The following DISC1 variants were observed in gnomAD, a reference collection of about 807,000 sequenced individuals.
The protein encoded by DISC1 is DISC1 scaffold protein, also known as disrupted in schizophrenia 1 protein.
Under a neutral mutation model 84.5 loss-of-function variants are expected in DISC1, and 57 were observed. The ratio of observed to expected loss-of-function variants is 0.67; its 90% confidence interval spans 0.55 to 0.84. The LOEUF (loss-of-function observed/expected upper bound fraction) is 0.84. Ranked by LOEUF, DISC1 falls within the 40% of genes least tolerant of loss-of-function variation. The probability of loss-of-function intolerance (pLI) is 0.00; values close to 1 mark genes in which losing one functional copy is unlikely to be tolerated. For synonymous variants in DISC1, 411 were observed against 415.2 expected, an observed-to-expected ratio of 0.99 and a Z score of 0.12; for missense variants, 1,000 against 1,057.8, an observed-to-expected ratio of 0.95 and a Z score of 0.76.
At chr1:231,636,877 G>C (rs1278667365) in intron 1 of DISC1, among the ~76,000 whole-genome samples, 1 of 152,138 alleles carries the variant, frequency 6.6e-6, no homozygotes, top group Non-Finnish European at 1.5e-5. Context: ...ATGGTGGTTT[G>C]CTGCACCTAT....
At position 232,031,232 on chromosome 1, in the gene DISC1, AGAAAGAG is replaced by A; in HGVS notation, c.2425+4681_2425+4687del. ...AAGGAAGGAAGGGAGAAAGAGAGAGAGAAAGAGAGGAAGGAAGGAAGGAGAAAGAAAG... is the reference window on the plus strand; with the variant it reads ...AAGGAAGGAAGGGAGAAAGAGAGAGAAGGAAGGAAGGAAGGAGAAAGAAAG... On this transcript the variant is annotated intron_variant, in intron 12 of 12. Transcript: ENST00000439617. This position sits in a 1 kb window ranked among gnomAD's most constrained non-coding sequence, Gnocchi z 4.6. Among the ~76,000 whole-genome samples, 1 of 148,792 alleles carries A rather than the reference AGAAAGAG, an allele frequency of 6.7e-6. No individual in the cohort carries two copies. Among genetic ancestry groups the A allele is most frequent in the Non-Finnish European group, 1.5e-5 (1 of 66,736 alleles).
chr1:231,928,852 T>C (rs2090495014), intron 9 of DISC1, among the ~76,000 whole-genome samples: 1 of 152,218 alleles, frequency 6.6e-6, no homozygotes, highest in Admixed American at 6.5e-5. Context: ...TCAGTTTCCA[T>C]GTAGTTGTGC....
At chr1:231,953,470 C>G (rs9431735) in intron 9 of DISC1, among the ~76,000 whole-genome samples, 12,369 of 152,044 alleles carry the variant, frequency 0.081, 598 homozygotes, top group Middle Eastern at 0.14. Context: ...ATTATGTTAC[C>G]TCTTCATCCT....
chr1:231,892,938 G>A (rs1455504217), intron 9 of DISC1, among the ~76,000 whole-genome samples: 2 of 152,120 alleles, frequency 1.3e-5, no homozygotes, highest in Non-Finnish European at 2.9e-5. Context: ...GACTCAGGTG[G>A]ATCACCTGTG....
chr1:231,872,104 A>G (rs1301993417), intron 9 of DISC1, among the ~76,000 whole-genome samples: 1 of 152,244 alleles, frequency 6.6e-6, no homozygotes, highest in Non-Finnish European at 1.5e-5. Flanking sequence ...GCGTGAAGAC[A>G]GCCTGATGCA....
intron 4 of DISC1, among the ~76,000 whole-genome samples, chr1:231,753,275 C>T (rs1254037511): frequency 6.6e-6 from 1 of 152,258 alleles, no homozygotes; most frequent in Non-Finnish European, 1.5e-5. Flanking sequence ...CAAACTTTTC[C>T]ATACATCCTC....
At chr1:231,885,859 C>G (rs553878118) in intron 9 of DISC1, among the ~76,000 whole-genome samples, 1 of 152,320 alleles carries the variant, frequency 6.6e-6, no homozygotes, top group East Asian at 1.9e-4. Context: ...ATGATTCCCA[C>G]TCAGTTGTCC....
At chr1:231,991,266 G>T (rs1032799656) in intron 10 of DISC1, among the ~76,000 whole-genome samples, 1 of 152,216 alleles carries the variant, frequency 6.6e-6, no homozygotes, top group Non-Finnish European at 1.5e-5. Context: ...TCGGGAAGCC[G>T]TATGTTCTGA....
chr1:231,862,080 G>A (rs1007037300), intron 9 of DISC1, among the ~76,000 whole-genome samples: 10 of 152,204 alleles, frequency 6.6e-5, no homozygotes, highest in East Asian at 1.9e-4. Context: ...CTTTCACCAG[G>A]AGGATGGCTC....
intron 1 of DISC1, among the ~76,000 whole-genome samples, chr1:231,691,337 A>G (rs1481976243): frequency 2.6e-5 from 4 of 152,036 alleles, no homozygotes; most frequent in African/African-American, 9.7e-5. Flanking sequence ...AGGCTGAGGC[A>G]GGAGAATCAC....
intron 10 of DISC1, among the ~76,000 whole-genome samples, chr1:231,984,435 T>G (rs77178791): frequency 1.3e-5 from 2 of 152,250 alleles, no homozygotes; most frequent in East Asian, 3.9e-4. Context: ...AATATTATTA[T>G]GGATTTGAAG....
At chr1:231,930,761 A>G (rs1318654912) in intron 9 of DISC1, among the ~76,000 whole-genome samples, 5 of 152,154 alleles carry the variant, frequency 3.3e-5, no homozygotes, top group East Asian at 3.9e-4. Context: ...ACTCAATGCT[A>G]TCTAGTTCGC....
Position 232,037,073 on chromosome 1 carries a change from C to A in DISC1, c.*242C>A, listed in dbSNP as rs570803931. On this transcript the variant is annotated 3_prime_UTR_variant, in exon 13 of 13. Transcript: ENST00000439617. Reference sequence around the variant, plus strand: ...CCTTCTAAATGTCACTCAAAAATTTCTTTTCCATGTCATTCTTGGGAATGT... The same window carrying A: ...CCTTCTAAATGTCACTCAAAAATTTATTTTCCATGTCATTCTTGGGAATGT... The A allele has an allele frequency of 2.1e-5, 7 of 331,938 alleles. No homozygotes were observed. In the East Asian group the frequency reaches 3.0e-4, roughly 14 times the overall value. 20.6% of individuals were successfully genotyped at this position (331,938 alleles called of 1,614,324 possible).
chr1:231,669,179 T>A (rs796623112), intron 1 of DISC1, among the ~76,000 whole-genome samples: 37 of 152,264 alleles, frequency 2.4e-4, no homozygotes, highest in African/African-American at 8.4e-4. Flanking sequence ...ATTGCAGTGA[T>A]AGGGATGCCT....
chr1:231,740,421 A>T lies in DISC1; in HGVS notation c.1118-9505A>T, dbSNP rs561803462. 1.6e-4 allele frequency among the ~76,000 whole-genome samples: 25 copies of T among 152,254 alleles called. No individual in the cohort carries two copies. In the South Asian group the frequency reaches 5.0e-3, roughly 30 times the overall value. ...GGGTACCCTGATCCTTAGTGTTGTG[A>T]TTCTGTGTTCTATCCAATGTCATGC... On this transcript the variant is annotated intron_variant, in intron 3 of 12. Transcript: ENST00000439617.
chr1:231,640,389 T>C lies in DISC1; in HGVS notation c.67+13455T>C, dbSNP rs115798880. ...AGCACAAGACATCATGGGGTTGTATTGTTACCCCCAGCTTCAGCACATTCC... is the reference window on the plus strand; with the variant it reads ...AGCACAAGACATCATGGGGTTGTATCGTTACCCCCAGCTTCAGCACATTCC... On this transcript the variant is annotated intron_variant, in intron 1 of 12. Coordinates refer to ENST00000439617, the MANE Select transcript of DISC1 (RefSeq NM_018662.3). Among the ~76,000 whole-genome samples the C allele has an allele frequency of 5.0e-3, 761 of 152,340 alleles. 7 individuals are homozygous for C. The highest frequency in any genetic ancestry group is 0.017 in the African/African-American group (719 of 41,578).
intron 8 of DISC1, among the ~76,000 whole-genome samples, chr1:231,807,848 G>A (rs2079870758): frequency 1.3e-5 from 2 of 152,274 alleles, no homozygotes; most frequent in South Asian, 4.2e-4. Flanking sequence ...AGTTTTAAGT[G>A]GTCTATAAAA....
chr1:231,865,239 A>T (rs2084966161), intron 9 of DISC1, among the ~76,000 whole-genome samples: 1 of 152,168 alleles, frequency 6.6e-6, no homozygotes, highest in Non-Finnish European at 1.5e-5. Flanking sequence ...CTGTATGCTG[A>T]TGTTTCCTAT....
chr1:232,009,199 C>A lies in DISC1; in HGVS notation c.2307+150C>A. 1.4e-6 allele frequency: 2 copies of A among 1,431,398 alleles called. No individual in the cohort carries two copies. The highest frequency in any genetic ancestry group is 2.8e-5 in the Admixed American group (1 of 36,252). The allele number at this position is 1,431,398 out of a possible 1,614,324, so 88.7% of individuals were successfully genotyped here. On this transcript the variant is annotated intron_variant, in intron 11 of 12. Transcript: ENST00000439617. The surrounding 1 kb of genome is among the most constrained non-coding windows in gnomAD (Gnocchi z 4.6). ...TTTCAATAACTCTTGAATATGATTA[C>A]AAAATAAAGTAGAATTTTTGTAGAA...
Sources: allele counts gnomAD v4.1 joint callset (sites outside exome capture counted in the v4.1 genomes callset), GRCh38; gene constraint gnomAD v4.1.1; non-coding constraint Gnocchi (gnomAD v3.1); transcripts MANE v1.5; gene names NCBI Gene and HGNC (gene_info 2026-07-23, HGNC 2026-07-21).